The following LRRC4C variants were observed in gnomAD, a reference collection of about 807,000 sequenced individuals.
LRRC4C encodes the protein leucine-rich repeat-containing protein 4C.
A neutral mutation model predicts 33.6 loss-of-function variants in LRRC4C; 5 were observed. The ratio of observed to expected loss-of-function variants is 0.15; its 90% confidence interval spans 0.08 to 0.31. The LOEUF (loss-of-function observed/expected upper bound fraction) is 0.31, where lower values mean the gene tolerates loss of function less well. Among genes scored for constraint, LRRC4C ranks in the 10% least tolerant of loss-of-function variants. The pLI is 1.00. For synonymous variants in LRRC4C, 329 were observed against 302.0 expected (o/e 1.09, Z -0.93); for missense variants, 560 against 796.7 (o/e 0.70, Z 3.58).
intron 1 of LRRC4C, among the ~76,000 whole-genome samples, chr11:41,035,208 A>AATAC (rs1472292166): frequency 1.3e-5 from 2 of 150,590 alleles, no homozygotes; most frequent in African/African-American, 4.9e-5. Flanking sequence ...TAAATACATA[A>AATAC]ATAAATAAAT....
chr11:40,195,094 GA>G (rs561968543), intron 5 of LRRC4C, among the ~76,000 whole-genome samples: 4,043 of 137,772 alleles, frequency 0.029, 112 homozygotes, highest in Non-Finnish European at 0.036. Context: ...CCGTCTCAAA[GA>G]AAAAAAAAAA....
intron 3 of LRRC4C, among the ~76,000 whole-genome samples, chr11:40,348,551 T>C (rs557552821): frequency 2.6e-5 from 4 of 152,268 alleles, no homozygotes; most frequent in East Asian, 1.9e-4. Flanking sequence ...TTGCTCTTTA[T>C]GGACTTATTT....
At position 40,469,730 on chromosome 11, in the gene LRRC4C, G is replaced by A. The variant is rs774262759; in HGVS notation, c.-269-150009C>T. Among the ~76,000 whole-genome samples, 47 of 152,120 alleles carry A rather than the reference G, an allele frequency of 3.1e-4. 1 individual carries two copies. Among genetic ancestry groups the A allele is most frequent in the Non-Finnish European group, 4.6e-4 (31 of 68,022 alleles). On this transcript the variant is annotated intron_variant, in intron 3 of 6. Coordinates refer to ENST00000528697, the MANE Select transcript of LRRC4C (RefSeq NM_001258419.2). ...TTCACCATCACTGAGGCTTGAGTAG[G>A]CAGTTTTCACCTCACAAGGTAAACA...
intron 3 of LRRC4C, among the ~76,000 whole-genome samples, chr11:40,426,012 A>ATTT (rs58586544): frequency 1.6e-5 from 2 of 128,664 alleles, no homozygotes; most frequent in Admixed American, 7.9e-5. Context: ...AGTCAGTTGC[A>ATTT]TTTTTTTTTT....
intron 1 of LRRC4C, among the ~76,000 whole-genome samples, chr11:41,094,429 C>G (rs1180811861): frequency 6.6e-6 from 1 of 151,864 alleles, no homozygotes; most frequent in Non-Finnish European, 1.5e-5. Flanking sequence ...GAGGCTGAGG[C>G]AGGAGAATGG....
intron 3 of LRRC4C, among the ~76,000 whole-genome samples, chr11:40,504,469 C>A (rs945491628): frequency 6.6e-6 from 1 of 150,518 alleles, no homozygotes; most frequent in Non-Finnish European, 1.5e-5. Context: ...CACTTGGAGG[C>A]ATCTGTCCTC....
chr11:40,409,564 C>T (rs1313812006), intron 3 of LRRC4C, among the ~76,000 whole-genome samples: 1 of 151,746 alleles, frequency 6.6e-6, no homozygotes, highest in Non-Finnish European at 1.5e-5. Flanking sequence ...CAAACAAAAC[C>T]TGATTAAAAA....
At chr11:41,199,924 T>G (rs1207827112) in intron 1 of LRRC4C, among the ~76,000 whole-genome samples, 3 of 152,126 alleles carry the variant, frequency 2.0e-5, no homozygotes, top group Non-Finnish European at 4.4e-5. Context: ...TCTTAACATC[T>G]TAAACATGAA....
rs569292426 is a variant in LRRC4C at position 40,737,475 on chromosome 11, G to A, written c.-406-89197C>T. On this transcript the variant is annotated intron_variant, in intron 2 of 6. Transcript: ENST00000528697. Reference sequence around the variant, plus strand: ...GATTGTATATTTAGAAAACTCCATCGTCTCAGCCCAAAATCTCCTTAAGCT... The same window carrying A: ...GATTGTATATTTAGAAAACTCCATCATCTCAGCCCAAAATCTCCTTAAGCT... 8.2e-4 allele frequency among the ~76,000 whole-genome samples: 125 copies of A among 152,120 alleles called. 1 individual carries two copies. Among genetic ancestry groups the A allele is most frequent in the African/African-American group, 2.8e-3 (115 of 41,506 alleles).
chr11:40,579,831 C>A (rs1170819466), intron 3 of LRRC4C, among the ~76,000 whole-genome samples: 7 of 152,172 alleles, frequency 4.6e-5, no homozygotes, highest in Admixed American at 4.6e-4. Flanking sequence ...TGCCCTGTCA[C>A]CCAGGCTGGA....
At chr11:41,294,235 A>G (rs1391093296) in intron 1 of LRRC4C, among the ~76,000 whole-genome samples, 1 of 152,174 alleles carries the variant, frequency 6.6e-6, no homozygotes, top group Non-Finnish European at 1.5e-5. Context: ...CTTTGGTCCA[A>G]TGTTTAAGCC....
At chr11:40,399,551 G>T (rs1046355331) in intron 3 of LRRC4C, among the ~76,000 whole-genome samples, 2 of 151,910 alleles carry the variant, frequency 1.3e-5, no homozygotes, top group African/African-American at 4.8e-5. Context: ...GAGGAGGGGG[G>T]AGGGATAGCA....
At chr11:40,958,613 A>C (rs188635825) in intron 1 of LRRC4C, among the ~76,000 whole-genome samples, 15 of 151,758 alleles carry the variant, frequency 9.9e-5, no homozygotes, top group African/African-American at 3.4e-4. Flanking sequence ...GATTAAGGAA[A>C]ATTGTAAAAT....
intron 2 of LRRC4C, among the ~76,000 whole-genome samples, chr11:40,695,638 C>T (rs7926375): frequency 0.026 from 3,953 of 152,156 alleles, 172 homozygotes; most frequent in African/African-American, 0.09. Context: ...TCCTGTTTGG[C>T]GTCTGTAGGG....
At chr11:40,938,943 A>G (rs533738821) in intron 1 of LRRC4C, among the ~76,000 whole-genome samples, 1 of 152,330 alleles carries the variant, frequency 6.6e-6, no homozygotes, top group East Asian at 1.9e-4. Context: ...GAGTGGCCAC[A>G]CAGGGCTGGG....
At chr11:40,235,427 C>T (rs1865488650) in intron 5 of LRRC4C, among the ~76,000 whole-genome samples, 1 of 152,118 alleles carries the variant, frequency 6.6e-6, no homozygotes, top group African/African-American at 2.4e-5. Context: ...TTACTGAAAA[C>T]ATTTACTTAG....
rs184517954 is a variant in LRRC4C at position 40,437,541 on chromosome 11, A to T, written c.-269-117820T>A. 2.0e-3 allele frequency among the ~76,000 whole-genome samples: 304 copies of T among 151,656 alleles called. 1 individual carries two copies. Among genetic ancestry groups the T allele is most frequent in the Non-Finnish European group, 3.7e-3 (248 of 67,884 alleles). On this transcript the variant is annotated intron_variant, in intron 3 of 6. Transcript: ENST00000528697. ...CCTGGGTAGCTGGGATTACAGGTGC[A>T]TGCCACCACATCTGGCTAATTTTTG...
intron 3 of LRRC4C, among the ~76,000 whole-genome samples, chr11:40,576,355 A>G (rs906402326): frequency 6.6e-6 from 1 of 152,222 alleles, no homozygotes; most frequent in Non-Finnish European, 1.5e-5. Flanking sequence ...TCTTATTCTT[A>G]TGACGGCAAT....
intron 4 of LRRC4C, among the ~76,000 whole-genome samples, chr11:40,282,150 A>T (rs144412322): frequency 7.4e-4 from 113 of 152,272 alleles, no homozygotes; most frequent in African/African-American, 2.6e-3. Flanking sequence ...GGAGTTTGAG[A>T]TCAGCCTGGC....
Sources: allele counts gnomAD v4.1 joint callset (sites outside exome capture counted in the v4.1 genomes callset), GRCh38; gene constraint gnomAD v4.1.1; transcripts MANE v1.5; gene names NCBI Gene and HGNC (gene_info 2026-07-23, HGNC 2026-07-21).